Variants in KCNQ3 observed in about 807,000 individuals in gnomAD.
KCNQ3 encodes the protein potassium voltage-gated channel subfamily Q member 3, also known as potassium voltage-gated channel subfamily KQT member 3.
In KCNQ3, 30 loss-of-function variants were observed where a neutral mutation model predicts 92.5. That is an observed-to-expected ratio of 0.32 (90% CI 0.24 to 0.44). KCNQ3 has a LOEUF of 0.44. Ranked by LOEUF, KCNQ3 falls within the 20% of genes least tolerant of loss-of-function variation. The pLI is 1.00. For missense variants in KCNQ3, 913 were observed against 1,140.3 expected (o/e 0.80, Z 2.87); for synonymous variants, 450 against 468.8 (o/e 0.96, Z 0.52).
intron 1 of KCNQ3, among the ~76,000 whole-genome samples, chr8:132,457,909 C>T (rs1036262850): frequency 6.6e-6 from 1 of 152,178 alleles, no homozygotes; most frequent in African/African-American, 2.4e-5. Context: ...CAGGGATTTG[C>T]TCCCACATCT....
intron 1 of KCNQ3, among the ~76,000 whole-genome samples, chr8:132,249,993 GC>G (rs1815346262): frequency 6.6e-6 from 1 of 152,110 alleles, no homozygotes; most frequent in South Asian, 2.1e-4. Context: ...ACTTGCGCTG[GC>G]CCACGAGTGC....
At chr8:132,284,952 T>A (rs1027821407) in intron 1 of KCNQ3, among the ~76,000 whole-genome samples, 4 of 152,216 alleles carry the variant, frequency 2.6e-5, no homozygotes. Context: ...TGCCTTGCTA[T>A]TAAGTAGCAT....
chr8:132,200,163 T>C (rs1403767565), intron 1 of KCNQ3, among the ~76,000 whole-genome samples: 1 of 152,226 alleles, frequency 6.6e-6, no homozygotes, highest in East Asian at 1.9e-4. Flanking sequence ...TAGATCCATA[T>C]ATATGTTTAT....
intron 1 of KCNQ3, among the ~76,000 whole-genome samples, chr8:132,305,259 A>T (rs1817383105): frequency 6.6e-6 from 1 of 152,224 alleles, no homozygotes; most frequent in Non-Finnish European, 1.5e-5. Flanking sequence ...ATTCAGTCCC[A>T]CATGTTCCCA....
At chr8:132,229,013 T>G (rs959588968) in intron 1 of KCNQ3, among the ~76,000 whole-genome samples, 4 of 152,152 alleles carry the variant, frequency 2.6e-5, no homozygotes, top group African/African-American at 9.7e-5. Flanking sequence ...CCCAGCACTT[T>G]GGGAGGCCAA....
chr8:132,254,257 G>A (rs1179593137), intron 1 of KCNQ3, among the ~76,000 whole-genome samples: 2 of 152,150 alleles, frequency 1.3e-5, no homozygotes, highest in Non-Finnish European at 2.9e-5. Context: ...CTATAAACTG[G>A]TGATAGAGAT....
chr8:132,314,290 T>A (rs1255749658), intron 1 of KCNQ3, among the ~76,000 whole-genome samples: 2 of 152,122 alleles, frequency 1.3e-5, no homozygotes, highest in African/African-American at 2.4e-5. Flanking sequence ...AACCATATGA[T>A]GAGGGAATAA....
intron 1 of KCNQ3, among the ~76,000 whole-genome samples, chr8:132,266,100 G>T (rs1815972557): frequency 6.6e-6 from 1 of 152,282 alleles, no homozygotes; most frequent in South Asian, 2.1e-4. Context: ...GTGTAGTTAG[G>T]AATGAATGAT....
At chr8:132,462,268 G>A (rs1416144374) in intron 1 of KCNQ3, among the ~76,000 whole-genome samples, 5 of 151,716 alleles carry the variant, frequency 3.3e-5, no homozygotes, top group Non-Finnish European at 7.4e-5. Context: ...GCGCTATCTC[G>A]GCTCACTGCA....
At chr8:132,140,405 T>C in intron 10 of KCNQ3, 1 of 519,490 alleles carries the variant, frequency 1.9e-6, no homozygotes, top group Non-Finnish European at 3.4e-6. Flanking sequence ...GCGCAGCTCA[T>C]GACTGGTAGT....
In KCNQ3 at chr8:132,480,778, C is replaced by T. The variant is rs1274539070; in HGVS notation, c.-246G>A. On this transcript the variant is annotated 5_prime_UTR_variant, in exon 1 of 15. Transcript: ENST00000388996. ...GGGTCAGCCGCAGGACCCCGAGGGT[C>T]GCGGGCCGGGGGCTGCGGAGAAGCT... The T allele has an allele frequency of 2.6e-5, 5 of 195,208 alleles. No homozygotes were observed. The highest frequency in any genetic ancestry group is 4.6e-5 in the Non-Finnish European group (5 of 108,120). The allele number at this position is 195,208 out of a possible 1,614,324, so 12.1% of individuals were successfully genotyped here. A position where few individuals can be genotyped will look rare whatever the true frequency, so the allele number is the denominator to read the frequency against.
At chr8:132,400,963 T>C (rs1820316146) in intron 1 of KCNQ3, among the ~76,000 whole-genome samples, 1 of 152,316 alleles carries the variant, frequency 6.6e-6, no homozygotes, top group East Asian at 1.9e-4. Flanking sequence ...ATTCTGTTAA[T>C]TCCCCTAGCC....
chr8:132,471,396 C>A (rs1471819823), intron 1 of KCNQ3, among the ~76,000 whole-genome samples: 1 of 152,136 alleles, frequency 6.6e-6, no homozygotes, highest in Non-Finnish European at 1.5e-5. Flanking sequence ...CAAGTCAATA[C>A]GGATGGCCTG....
intron 1 of KCNQ3, among the ~76,000 whole-genome samples, chr8:132,227,865 A>G (rs1814484241): frequency 6.6e-6 from 1 of 152,138 alleles, no homozygotes; most frequent in African/African-American, 2.4e-5. Flanking sequence ...CAGAGAATCT[A>G]TTGTGTGCTA....
chr8:132,352,142 G>A (rs1818891008), intron 1 of KCNQ3, among the ~76,000 whole-genome samples: 1 of 152,182 alleles, frequency 6.6e-6, no homozygotes, highest in South Asian at 2.1e-4. Flanking sequence ...AGGAAGCTCA[G>A]AGAGATTATG....
chr8:132,151,007 G>T (rs927353141), intron 9 of KCNQ3, among the ~76,000 whole-genome samples: 2 of 152,210 alleles, frequency 1.3e-5, no homozygotes, highest in Non-Finnish European at 2.9e-5. Flanking sequence ...TTATTGGTAA[G>T]AAGCAGATGT....
At chr8:132,272,177 C>T (rs1045462751) in intron 1 of KCNQ3, among the ~76,000 whole-genome samples, 2 of 152,214 alleles carry the variant, frequency 1.3e-5, no homozygotes, top group Non-Finnish European at 2.9e-5. Flanking sequence ...GAATAACATG[C>T]AAAATGCCTA....
chr8:132,347,967 A>T (rs1304723828), intron 1 of KCNQ3, among the ~76,000 whole-genome samples: 1 of 136,812 alleles, frequency 7.3e-6, no homozygotes, highest in Non-Finnish European at 1.5e-5. Flanking sequence ...ACAGAGCGAG[A>T]GACTCCATCT....
intron 1 of KCNQ3, among the ~76,000 whole-genome samples, chr8:132,210,708 T>G (rs2130297652): frequency 6.6e-6 from 1 of 152,272 alleles, no homozygotes; most frequent in East Asian, 1.9e-4. Flanking sequence ...TTATTTCCTG[T>G]GACTGTAGAG....
Sources: allele counts gnomAD v4.1 joint callset (sites outside exome capture counted in the v4.1 genomes callset), GRCh38; gene constraint gnomAD v4.1.1; transcripts MANE v1.5; gene names NCBI Gene and HGNC (gene_info 2026-07-23, HGNC 2026-07-21).